PITPNC1: variants seen among roughly 807,000 people sequenced by gnomAD.
PITPNC1 encodes cytoplasmic phosphatidylinositol transfer protein 1.
A neutral mutation model predicts 44.7 loss-of-function variants in PITPNC1; 18 were observed. The ratio of observed to expected loss-of-function variants is 0.40; its 90% CI spans 0.28 to 0.60. The LOEUF (loss-of-function observed/expected upper bound fraction) is 0.60, where lower values mean the gene tolerates loss of function less well. Ranked by LOEUF, PITPNC1 falls within the 20% of genes least tolerant of loss-of-function variation. PITPNC1 has a pLI of 0.39. For missense variants in PITPNC1, 290 were observed against 418.4 expected (o/e 0.69, Z 2.68); for synonymous variants, 141 against 149.6 (o/e 0.94, Z 0.42).
At chr17:67,385,134 G>A (rs1468958460) in intron 1 of PITPNC1, among the ~76,000 whole-genome samples, 2 of 152,170 alleles carry the variant, frequency 1.3e-5, no homozygotes, top group East Asian at 3.8e-4. Context: ...GGTCCGGTGG[G>A]GACTTGGAGA....
intron 4 of PITPNC1, among the ~76,000 whole-genome samples, chr17:67,572,232 G>A (rs572659835): frequency 1.3e-5 from 2 of 152,040 alleles, no homozygotes; most frequent in South Asian, 2.1e-4. Context: ...CAGATCCCTC[G>A]GTGATATAGA....
intron 1 of PITPNC1, among the ~76,000 whole-genome samples, chr17:67,483,974 C>A (rs1961378): frequency 0.43 from 63,500 of 148,036 alleles, 13,753 homozygotes; most frequent in Middle Eastern, 0.48. Context: ...GCTGGAGTGC[C>A]GTGGCATGAT....
chr17:67,464,691 G>T (rs1334928577), intron 1 of PITPNC1, among the ~76,000 whole-genome samples: 11 of 151,516 alleles, frequency 7.3e-5, no homozygotes, highest in African/African-American at 2.7e-4. Context: ...ACAGCGTTAT[G>T]AATTTAATAA....
intron 1 of PITPNC1, among the ~76,000 whole-genome samples, chr17:67,447,330 TA>T (rs1396115891): frequency 6.6e-6 from 1 of 151,756 alleles, no homozygotes; most frequent in African/African-American, 2.4e-5. Flanking sequence ...AAACACAATA[TA>T]AACTGCATGC....
Position 67,669,509 on chromosome 17 carries a change from A to T in PITPNC1, c.464A>T (p.Asp155Val). The T allele has an allele frequency of 6.3e-7, 1 of 1,582,902 alleles. No homozygotes were observed. The highest frequency in any genetic ancestry group is 1.8e-5 in the Admixed American group (1 of 54,128). ...TTTCTTTGATTTTTTTTTTTCTAGG[A>T]TCCTAAGCACTTCAAGTCAGAGAAG... ...IPERYYKESE[D>V]PKHFKSEKTG... The change falls in exon 7 of 9, where the codon GAT becomes GTT. Residue 155 changes from aspartate to valine, a missense_variant and splice_region_variant. Asp to Val is a radical substitution (Grantham distance 152, BLOSUM62 -3). Transcript: ENST00000581322.
chr17:67,598,723 CTACAAAAAAA>C (rs1053770031), intron 5 of PITPNC1, among the ~76,000 whole-genome samples: 34 of 151,882 alleles, frequency 2.2e-4, no homozygotes, highest in African/African-American at 7.5e-4. Flanking sequence ...AACCCCGTCT[CTACAAAAAAA>C]TACAAAAAAA....
chr17:67,651,734 C>T (rs2042211798), intron 6 of PITPNC1, among the ~76,000 whole-genome samples: 1 of 152,228 alleles, frequency 6.6e-6, no homozygotes, highest in South Asian at 2.1e-4. Flanking sequence ...TCAGCAACCA[C>T]ACTGATCTAC....
intron 5 of PITPNC1, among the ~76,000 whole-genome samples, chr17:67,606,991 C>T (rs2041616772): frequency 6.6e-6 from 1 of 152,172 alleles, no homozygotes; most frequent in Non-Finnish European, 1.5e-5. Context: ...CTGCTCCGCT[C>T]TCCTGTCCTT....
chr17:67,549,736 A>T (rs1323082413), intron 2 of PITPNC1, among the ~76,000 whole-genome samples: 1 of 152,132 alleles, frequency 6.6e-6, no homozygotes, highest in Non-Finnish European at 1.5e-5. Context: ...AGTGAATTTG[A>T]GGAGGGGTGC....
intron 8 of PITPNC1, among the ~76,000 whole-genome samples, chr17:67,688,272 A>G (rs2042854495): frequency 6.9e-6 from 1 of 144,298 alleles, no homozygotes; most frequent in South Asian, 2.2e-4. Context: ...TGGGAGGCAG[A>G]GGTTGCAGTG....
At chr17:67,548,389 G>A (rs1272419274) in intron 2 of PITPNC1, among the ~76,000 whole-genome samples, 5 of 152,124 alleles carry the variant, frequency 3.3e-5, no homozygotes, top group Non-Finnish European at 2.9e-5. Context: ...TCAAGAGTTC[G>A]AGACCAGCCT....
chr17:67,384,639 A>T (rs2038014811), intron 1 of PITPNC1, among the ~76,000 whole-genome samples: 1 of 152,012 alleles, frequency 6.6e-6, no homozygotes, highest in South Asian at 2.1e-4. Context: ...TTTAACCAGG[A>T]TGGTCTCGAT....
intron 8 of PITPNC1, among the ~76,000 whole-genome samples, chr17:67,690,813 A>G (rs71382144): frequency 8.5e-5 from 13 of 152,100 alleles, no homozygotes; most frequent in African/African-American, 2.9e-4. Context: ...ATTAATAATA[A>G]CAGTAATAAG....
chr17:67,453,892 A>C (rs1306602315), intron 1 of PITPNC1, among the ~76,000 whole-genome samples: 2 of 152,168 alleles, frequency 1.3e-5, no homozygotes, highest in African/African-American at 4.8e-5. Flanking sequence ...ATTCACCAGA[A>C]TGTACTGGCT....
chr17:67,548,220 G>A (rs1242142604), intron 2 of PITPNC1, among the ~76,000 whole-genome samples: 1 of 152,146 alleles, frequency 6.6e-6, no homozygotes, highest in East Asian at 1.9e-4. Flanking sequence ...TTAAAACCAG[G>A]GAAGTCCCAG....
intron 3 of PITPNC1, among the ~76,000 whole-genome samples, chr17:67,552,673 G>A (rs1244340288): frequency 2.0e-5 from 3 of 152,048 alleles, no homozygotes; most frequent in Non-Finnish European, 4.4e-5. Context: ...GTGAGGTCAG[G>A]AGTTCGAGAC....
chr17:67,507,988 G>T (rs1488390799), intron 1 of PITPNC1, among the ~76,000 whole-genome samples: 2 of 152,126 alleles, frequency 1.3e-5, no homozygotes, highest in Non-Finnish European at 2.9e-5. Context: ...ACATGTCCAG[G>T]CCACCTAGTT....
chr17:67,588,546 T>A (rs1221695875), intron 5 of PITPNC1, among the ~76,000 whole-genome samples: 1 of 152,124 alleles, frequency 6.6e-6, no homozygotes, highest in Admixed American at 6.6e-5. Flanking sequence ...GCTCTGTATA[T>A]GCTACACGCC....
At chr17:67,616,950 A>ATT (rs1202791593) in intron 5 of PITPNC1, among the ~76,000 whole-genome samples, 4 of 151,824 alleles carry the variant, frequency 2.6e-5, no homozygotes, top group Middle Eastern at 3.2e-3. Flanking sequence ...GTTGTTTTGA[A>ATT]TTTTCTGTGA....
Sources: allele counts gnomAD v4.1 joint callset (sites outside exome capture counted in the v4.1 genomes callset), GRCh38; gene constraint gnomAD v4.1.1; transcripts MANE v1.5; gene names NCBI Gene and HGNC (gene_info 2026-07-23, HGNC 2026-07-21).